Variants in CNGB3 observed in about 807,000 individuals in gnomAD.
CNGB3 encodes cyclic nucleotide-gated channel beta-3.
CNGB3 carries 86 observed loss-of-function variants against 92.8 expected under a neutral mutation model. The ratio of observed to expected loss-of-function variants is 0.93; its 90% CI spans 0.78 to 1.11. The LOEUF (loss-of-function observed/expected upper bound fraction) is 1.11. Among genes scored for constraint, CNGB3 ranks in the 50% least tolerant of loss-of-function variants. CNGB3 has a pLI of 0.00. For missense variants in CNGB3, 1,026 were observed against 956.8 expected (o/e 1.07, Z -0.95); for synonymous variants, 333 against 332.7 (o/e 1.00, Z -0.01).
chr8:86,594,924 A>G (rs1384443599), intron 15 of CNGB3, among the ~76,000 whole-genome samples: 1 of 152,026 alleles, frequency 6.6e-6, no homozygotes, highest in East Asian at 1.9e-4. Flanking sequence ...GGGTTTCACC[A>G]TGTTGGCCAG....
At chr8:86,708,422 A>G (rs1202392471) in intron 3 of CNGB3, among the ~76,000 whole-genome samples, 1 of 152,204 alleles carries the variant, frequency 6.6e-6, no homozygotes, top group East Asian at 1.9e-4. Flanking sequence ...AGCAATGGCC[A>G]TCAGTATACA....
At chr8:86,657,926 C>T (rs542962964) in intron 6 of CNGB3, 1 of 550,434 alleles carries the variant, frequency 1.8e-6, no homozygotes, top group Middle Eastern at 3.0e-4. Flanking sequence ...TGCAGCTCCC[C>T]CTGCCATGCC....
At chr8:86,716,788 C>T (rs891050742) in intron 3 of CNGB3, among the ~76,000 whole-genome samples, 3 of 152,090 alleles carry the variant, frequency 2.0e-5, no homozygotes, top group South Asian at 2.1e-4. Context: ...AAATCTCATG[C>T]GGTCTATATA....
chr8:86,626,918 T>TG (rs1363291858), intron 12 of CNGB3, among the ~76,000 whole-genome samples: 1 of 152,076 alleles, frequency 6.6e-6, no homozygotes, highest in East Asian at 1.9e-4. Context: ...ACTCATGTCA[T>TG]GGGGATTTGT....
chr8:86,654,793 G>A (rs1243806863), intron 6 of CNGB3, among the ~76,000 whole-genome samples: 1 of 152,068 alleles, frequency 6.6e-6, no homozygotes, highest in Non-Finnish European at 1.5e-5. Flanking sequence ...TCTTGGGCTA[G>A]TCATTTAAAA....
chr8:86,639,787 A>C (rs983511671), intron 10 of CNGB3, among the ~76,000 whole-genome samples: 1 of 152,106 alleles, frequency 6.6e-6, no homozygotes, highest in Admixed American at 6.6e-5. Context: ...AAGCATTTTC[A>C]TTGCAAGGGT....
At chr8:86,597,212 C>T (rs998251178) in intron 15 of CNGB3, among the ~76,000 whole-genome samples, 1 of 152,120 alleles carries the variant, frequency 6.6e-6, no homozygotes, top group Non-Finnish European at 1.5e-5. Context: ...CAGTCCTGTG[C>T]TTGGCTAGAA....
intron 6 of CNGB3, among the ~76,000 whole-genome samples, chr8:86,663,745 G>A (rs1189844632): frequency 6.6e-6 from 1 of 152,144 alleles, no homozygotes; most frequent in African/African-American, 2.4e-5. Context: ...AGTTTCAAAG[G>A]CTGCAGCTAC....
intron 15 of CNGB3, among the ~76,000 whole-genome samples, chr8:86,602,873 G>T (rs1264058968): frequency 1.3e-5 from 2 of 152,126 alleles, no homozygotes; most frequent in Non-Finnish European, 2.9e-5. Flanking sequence ...TTTAGAAAAA[G>T]ACATAAATTC....
At chr8:86,588,276 A>G (rs1275214894) in intron 15 of CNGB3, among the ~76,000 whole-genome samples, 13 of 142,436 alleles carry the variant, frequency 9.1e-5, no homozygotes, top group African/African-American at 3.4e-4. Context: ...CAATCATGTC[A>G]TCTGCAAACA....
intron 7 of CNGB3, among the ~76,000 whole-genome samples, chr8:86,652,709 G>T (rs1043012741): frequency 2.0e-4 from 31 of 151,938 alleles, no homozygotes; most frequent in Non-Finnish European, 3.7e-4. Flanking sequence ...CCACTGGAAG[G>T]TCTTCAGGCT....
At chr8:86,589,299 T>G (rs1367739622) in intron 15 of CNGB3, among the ~76,000 whole-genome samples, 2 of 151,168 alleles carry the variant, frequency 1.3e-5, no homozygotes, top group Non-Finnish European at 2.9e-5. Context: ...GATCCTGGAT[T>G]CATTAATTTT....
chr8:86,616,732 T>C (rs1822629236), intron 13 of CNGB3, among the ~76,000 whole-genome samples: 1 of 152,212 alleles, frequency 6.6e-6, no homozygotes, highest in Admixed American at 6.5e-5. Flanking sequence ...CCTGTTTAAT[T>C]CTTCCAGCCT....
At chr8:86,645,328 ACTTCCTACTTCCT>A in intron 8 of CNGB3, among the ~76,000 whole-genome samples, 1 of 151,160 alleles carries the variant, frequency 6.6e-6, no homozygotes, top group Non-Finnish European at 1.5e-5. Context: ...CCTACTTCCT[ACTTCCTACTTCCT>A]CTTTTGTTTC....
intron 7 of CNGB3, among the ~76,000 whole-genome samples, chr8:86,648,349 A>G (rs960724876): frequency 6.6e-6 from 1 of 151,154 alleles, no homozygotes; most frequent in Non-Finnish European, 1.5e-5. Context: ...ATTGTGGTTC[A>G]TTTAGGCTCT....
At chr8:86,685,995 A>G (rs1179462081) in intron 3 of CNGB3, among the ~76,000 whole-genome samples, 1 of 152,096 alleles carries the variant, frequency 6.6e-6, no homozygotes, top group East Asian at 1.9e-4. Context: ...AATATTTTAC[A>G]GAGGAGAATA....
At chr8:86,578,262 T>G (rs1402563757) in intron 17 of CNGB3, among the ~76,000 whole-genome samples, 1 of 152,116 alleles carries the variant, frequency 6.6e-6, no homozygotes, top group African/African-American at 2.4e-5. Context: ...GAGTGCCTCT[T>G]TTTTCAAACT....
chr8:86,646,074 G>A (rs1179406500), intron 8 of CNGB3, among the ~76,000 whole-genome samples: 1 of 151,060 alleles, frequency 6.6e-6, no homozygotes, highest in East Asian at 1.9e-4. Flanking sequence ...GGAATGAAGA[G>A]TTGGCATTTT....
chr8:86,657,917 G>A, intron 6 of CNGB3: 1 of 550,138 alleles, frequency 1.8e-6, no homozygotes, highest in Non-Finnish European at 3.6e-6. Context: ...TGACCACCGT[G>A]CAGCTCCCCC....
Sources: allele counts gnomAD v4.1 joint callset (sites outside exome capture counted in the v4.1 genomes callset), GRCh38; gene constraint gnomAD v4.1.1; transcripts MANE v1.5; gene names NCBI Gene and HGNC (gene_info 2026-07-23, HGNC 2026-07-21).